OR52N2: variants seen among roughly 807,000 people sequenced by gnomAD.
OR52N2 encodes olfactory receptor 52N2.
For missense variants in OR52N2, 326 were observed against 196.6 expected (o/e 1.66, Z -3.94); for synonymous variants, 129 against 72.0 (o/e 1.79, Z -4.01).
At chr11:5,816,090 A>C (rs1846402252) in intron 1 of OR52N2, among the ~76,000 whole-genome samples, 1 of 152,172 alleles carries the variant, frequency 6.6e-6, no homozygotes, top group African/African-American at 2.4e-5. Context: ...CAAATATCAT[A>C]TGATTCCATT....
At chr11:5,811,011 A>C (rs1471215262) in intron 1 of OR52N2, among the ~76,000 whole-genome samples, 1 of 151,688 alleles carries the variant, frequency 6.6e-6, no homozygotes, top group African/African-American at 2.4e-5. Flanking sequence ...ATAATTTTTG[A>C]AAAAACTATT....
intron 1 of OR52N2, among the ~76,000 whole-genome samples, chr11:5,817,332 C>G (rs562069597): frequency 6.6e-6 from 1 of 151,864 alleles, no homozygotes; most frequent in Admixed American, 6.6e-5. Flanking sequence ...CAATTACTTT[C>G]CACTATAATA....
intron 1 of OR52N2, among the ~76,000 whole-genome samples, chr11:5,809,938 G>GT (rs1198092771): frequency 6.6e-6 from 1 of 152,194 alleles, no homozygotes. Context: ...ACAAATAGCA[G>GT]TAAGTTTAAG....
chr11:5,809,938 G>A (rs1293915726), intron 1 of OR52N2, among the ~76,000 whole-genome samples: 1 of 152,194 alleles, frequency 6.6e-6, no homozygotes, highest in African/African-American at 2.4e-5. Context: ...ACAAATAGCA[G>A]TAAGTTTAAG....
intron 1 of OR52N2, among the ~76,000 whole-genome samples, chr11:5,813,616 T>C (rs1012962324): frequency 1.3e-5 from 2 of 152,174 alleles, no homozygotes; most frequent in South Asian, 4.1e-4. Context: ...GGGGAATTAA[T>C]ACCAAGTATT....
intron 1 of OR52N2, among the ~76,000 whole-genome samples, chr11:5,812,258 G>C (rs1002741073): frequency 1.3e-5 from 2 of 151,752 alleles, no homozygotes; most frequent in African/African-American, 4.9e-5. Flanking sequence ...ACTTTGGGAG[G>C]CCGAGGCAGG....
chr11:5,819,469 C>T (rs914717830), intron 1 of OR52N2, among the ~76,000 whole-genome samples: 4 of 152,116 alleles, frequency 2.6e-5, no homozygotes, highest in Non-Finnish European at 1.5e-5. Context: ...GGATAGGGAA[C>T]TTGTGAAAAG....
At chr11:5,820,162 T>A (rs909963306) in intron 1 of OR52N2, among the ~76,000 whole-genome samples, 120 bp from the exon 2 acceptor site, 4 of 152,176 alleles carry the variant, frequency 2.6e-5, no homozygotes, top group Non-Finnish European at 4.4e-5. Context: ...TTTCTTGCTA[T>A]AGTTGGAAGA....
intron 1 of OR52N2, among the ~76,000 whole-genome samples, chr11:5,815,855 T>C (rs756845771): frequency 6.7e-6 from 1 of 150,274 alleles, no homozygotes; most frequent in Non-Finnish European, 1.5e-5. Context: ...GAATGAATAA[T>C]GGATAAGCAA....
At chr11:5,810,167 C>G (rs1392544879) in intron 1 of OR52N2, among the ~76,000 whole-genome samples, 1 of 152,220 alleles carries the variant, frequency 6.6e-6, no homozygotes, top group Non-Finnish European at 1.5e-5. Flanking sequence ...GCATTCTGGT[C>G]TGTCCACATT....
intron 1 of OR52N2, among the ~76,000 whole-genome samples, chr11:5,810,112 C>G (rs1792703069): frequency 6.6e-6 from 1 of 152,190 alleles, no homozygotes; most frequent in Admixed American, 6.5e-5. Flanking sequence ...ATATGCTGAG[C>G]CTTGACGCTT....
Position 5,821,226 on chromosome 11 carries a change from C to A in OR52N2, c.891C>A (p.Val297=). Residue 297 remains valine, a synonymous_variant, in exon 2 of 2, where the codon GTC becomes GTA. Transcript: ENST00000317037. The part of the protein sequence containing the change: ...PPTMNPIVYG[V]KTKQIQEGVI... ...CCATGAACCCAATTGTTTATGGAGT[C>A]AAGACCAAGCAGATTCAGGAAGGTG... 1.3e-6 allele frequency: 1 copy of A among 780,902 alleles called. No homozygotes were observed. The highest frequency in any genetic ancestry group is 2.4e-6 in the Non-Finnish European group (1 of 418,094). The allele number at this position is 780,902 out of a possible 1,614,324, so 48.4% of individuals were successfully genotyped here. A position where few individuals can be genotyped will look rare whatever the true frequency, so the allele number is the denominator to read the frequency against.
intron 1 of OR52N2, among the ~76,000 whole-genome samples, chr11:5,810,877 T>C (rs1174011682): frequency 1.3e-5 from 2 of 152,208 alleles, no homozygotes; most frequent in Middle Eastern, 3.4e-3. Context: ...GGTAATTTCA[T>C]AGAGTCATTT....
intron 1 of OR52N2, among the ~76,000 whole-genome samples, chr11:5,813,105 T>A (rs35746872): frequency 0.11 from 16,283 of 151,274 alleles, 1,092 homozygotes; most frequent in East Asian, 0.25. Context: ...AACACCTACA[T>A]CAAAAAAATA....
chr11:5,820,319 T>TCC lies in OR52N2; in HGVS notation c.-16_-15dup, dbSNP rs1423079478. The TCC allele has an allele frequency of 9.0e-6, 7 of 778,836 alleles. No homozygotes were observed. In the Admixed American group the frequency reaches 1.2e-4, roughly 13 times the overall value. 48.2% of individuals were successfully genotyped at this position (778,836 alleles called of 1,614,324 possible). A position where few individuals can be genotyped will look rare whatever the true frequency, so the allele number is the denominator to read the frequency against. On this transcript the variant is annotated 5_prime_UTR_variant, in exon 2 of 2. Transcript: ENST00000317037. ...GGCTGCTAAAGAGTATAAAATGCTC[T>TCC]CCTCCTGTCAGCCATCATGTCTGGG... is the stretch of plus-strand genomic sequence containing the variant.
intron 1 of OR52N2, among the ~76,000 whole-genome samples, chr11:5,813,981 G>A (rs1447807258): frequency 1.3e-5 from 2 of 152,130 alleles, no homozygotes; most frequent in East Asian, 3.9e-4. Context: ...CTTTCATGAT[G>A]AAAACTTTTA....
At chr11:5,818,261 A>G (rs995176785) in intron 1 of OR52N2, among the ~76,000 whole-genome samples, 1 of 152,146 alleles carries the variant, frequency 6.6e-6, no homozygotes, top group African/African-American at 2.4e-5. Flanking sequence ...TTTCATGACC[A>G]GACTTGGTGA....
intron 1 of OR52N2, among the ~76,000 whole-genome samples, chr11:5,815,557 T>A (rs11039135): frequency 0.52 from 78,973 of 151,972 alleles, 21,592 homozygotes; most frequent in Non-Finnish European, 0.62. Context: ...ATGGCTACTA[T>A]AAAAATAAAC....
chr11:5,810,871 AT>A (rs1360635084), intron 1 of OR52N2, among the ~76,000 whole-genome samples: 1 of 151,988 alleles, frequency 6.6e-6, no homozygotes, highest in Non-Finnish European at 1.5e-5. Context: ...ATGTCAGGTA[AT>A]TTCATAGAGT....
Sources: allele counts gnomAD v4.1 joint callset (sites outside exome capture counted in the v4.1 genomes callset), GRCh38; gene constraint gnomAD v4.1.1; transcripts MANE v1.5; gene names NCBI Gene and HGNC (gene_info 2026-07-23, HGNC 2026-07-21).